Variants in USP43 observed in about 807,000 individuals in gnomAD.
The protein encoded by USP43 is ubiquitin specific peptidase 43.
In USP43, 33 loss-of-function variants were observed where a neutral mutation model predicts 90.7. The ratio of observed to expected loss-of-function variants is 0.36; its 90% confidence interval spans 0.28 to 0.49. The LOEUF (loss-of-function observed/expected upper bound fraction) is 0.49, where lower values mean the gene tolerates loss of function less well. Among genes scored for constraint, USP43 ranks in the 20% least tolerant of loss-of-function variants. The probability of loss-of-function intolerance (pLI) is 0.98; values close to 1 mark genes in which losing one functional copy is unlikely to be tolerated. For missense variants in USP43, 1,274 were observed against 1,476.4 expected (o/e 0.86, Z 2.25); for synonymous variants, 598 against 615.8 (o/e 0.97, Z 0.43).
intron 9 of USP43, 93 bp downstream of exon 9, chr17:9,693,323 G>A (rs1915071825): frequency 1.9e-6 from 2 of 1,068,006 alleles, no homozygotes; most frequent in East Asian, 5.2e-5. Flanking sequence ...ATTGCTCATA[G>A]TATTTGTTAT....
At position 9,729,656 on chromosome 17, in the gene USP43, T is replaced by A. The variant is rs1279364513; in HGVS notation, c.*666T>A. On this transcript the variant is annotated 3_prime_UTR_variant, in exon 15 of 15. Coordinates refer to ENST00000285199, the MANE Select transcript of USP43 (RefSeq NM_153210.5). ...TTTTTTAATTTAAATATGAGATCTATGTACAATTTTAATAAAATCCTGTCC... is the reference window on the plus strand; with the variant it reads ...TTTTTTAATTTAAATATGAGATCTAAGTACAATTTTAATAAAATCCTGTCC... The A allele has an allele frequency of 6.6e-6, 1 of 152,220 alleles. No individual in the cohort carries two copies. Among genetic ancestry groups the A allele is most frequent in the Non-Finnish European group, 1.5e-5 (1 of 68,050 alleles). The allele number at this position is 152,220 out of a possible 1,614,324, so 9.4% of individuals were successfully genotyped here.
At chr17:9,681,161 A>T (rs1234594099) in intron 6 of USP43, among the ~76,000 whole-genome samples, 2 of 99,706 alleles carry the variant, frequency 2.0e-5, no homozygotes, top group South Asian at 3.2e-4. Flanking sequence ...AATATATACT[A>T]TATAATATAT....
At chr17:9,715,308 C>T (rs533448208) in intron 14 of USP43, among the ~76,000 whole-genome samples, 1 of 152,178 alleles carries the variant, frequency 6.6e-6, no homozygotes, top group Non-Finnish European at 1.5e-5. Context: ...AAAAAATTAG[C>T]CAGGCATGGT....
intron 6 of USP43, among the ~76,000 whole-genome samples, chr17:9,681,014 T>G (rs945592432): frequency 1.4e-5 from 2 of 139,636 alleles, no homozygotes; most frequent in African/African-American, 5.3e-5. Flanking sequence ...ATATGTAATA[T>G]ATAAAATATA....
chr17:9,673,503 C>G (rs533831981), intron 3 of USP43, among the ~76,000 whole-genome samples: 1 of 151,840 alleles, frequency 6.6e-6, no homozygotes, highest in Admixed American at 6.6e-5. Flanking sequence ...TGCGAGACTC[C>G]GTCTCCAAAA....
rs1233746605 is a variant in USP43, at chr17:9,728,510, A to G, written c.2892A>G (p.Lys964=). 1 of 1,613,760 alleles carries G rather than the reference A, an allele frequency of 6.2e-7. No homozygotes were observed. The highest frequency in any genetic ancestry group is 1.7e-5 in the Admixed American group (1 of 59,998). Residue 964 remains lysine (K), a synonymous_variant, in exon 15 of 15, where the codon AAA becomes AAG. Transcript: ENST00000285199. This position sits in a 1 kb window ranked among gnomAD's most constrained non-coding sequence, Gnocchi z 6.2. The part of the protein sequence containing the change: ...NWKESFQMGS[K]SSPPSPYMGF... ...AGGAGAGCTTCCAGATGGGAAGCAA[A>G]AGCAGCCCACCCTCCCCCTATATGG...
intron 5 of USP43, among the ~76,000 whole-genome samples, chr17:9,679,484 C>T (rs899957362): frequency 1.4e-5 from 2 of 145,556 alleles, no homozygotes; most frequent in Admixed American, 7.2e-5. Flanking sequence ...GGATTATAGG[C>T]ATGAGCCACG....
At position 9,727,972 on chromosome 17, in the gene USP43, G is replaced by A. The variant is rs769779098; in HGVS notation, c.2354G>A (p.Arg785His). 24 of 1,604,902 alleles carry A rather than the reference G, an allele frequency of 1.5e-5. No individual in the cohort carries two copies. Among genetic ancestry groups the A allele is most frequent in the East Asian group, 1.1e-4 (5 of 44,604 alleles). Reference sequence around the variant, plus strand: ...CTTTCAGGAGGGTTGGAGCCCAGGCGTTTGGTACGGGGCGTGAAAGGCAGA... The same window carrying A: ...CTTTCAGGAGGGTTGGAGCCCAGGCATTTGGTACGGGGCGTGAAAGGCAGA... ...NQEKGGLEPR[R>H]LVRGVKGRSI... Residue 785 changes from arginine (R) to histidine (H), a missense_variant, in exon 15 of 15, where the codon CGT becomes CAT. By Grantham distance (29) the Arg-to-His change is conservative. Around this residue, in one of 6 missense-constraint regions of USP43, gnomAD observed 285 missense variants for 349.6 expected, o/e 0.82. Coordinates refer to ENST00000285199, the MANE Select transcript of USP43 (RefSeq NM_153210.5).
chr17:9,692,532 T>A (rs901227866), intron 8 of USP43, among the ~76,000 whole-genome samples: 1 of 152,226 alleles, frequency 6.6e-6, no homozygotes, highest in Non-Finnish European at 1.5e-5. Context: ...ATTTTTTAAT[T>A]GAGTTGTTCA....
Position 9,701,242 on chromosome 17 carries a change from G to T in USP43, c.1659G>T (p.Glu553Asp), listed in dbSNP as rs541908175. 6.2e-6 allele frequency: 10 copies of T among 1,606,838 alleles called. No individual in the cohort carries two copies. The African/African-American group carries it at 1.3e-4, about 21-fold the overall frequency. ...DECFQFYTKE[E>D]QLAQDDAWKC... Reference sequence around the variant, plus strand: ...GTTTTCAGTTCTACACCAAGGAGGAGCAGGTCCCGCCCTGGGGGTCCATGC... The same window carrying T: ...GTTTTCAGTTCTACACCAAGGAGGATCAGGTCCCGCCCTGGGGGTCCATGC... Residue 553 changes from glutamate to aspartate, a missense_variant, in exon 11 of 15, where the codon GAG (glutamate) becomes GAT (aspartate). By Grantham distance (45) the Glu-to-Asp change is conservative. Around this residue, in one of 6 missense-constraint regions of USP43, gnomAD observed 253 missense variants for 276.0 expected, o/e 0.92. Transcript: ENST00000285199. The surrounding 1 kb of genome is among the most constrained non-coding windows in gnomAD (Gnocchi z 7.2).
rs770988998 is a variant in USP43 at position 9,676,755 on chromosome 17, T to A, written c.843T>A (p.Ser281Arg). The A allele has an allele frequency of 6.2e-7, 1 of 1,613,532 alleles. No homozygotes were observed. The highest frequency in any genetic ancestry group is 1.1e-5 in the South Asian group (1 of 91,018). Residue 281 changes from serine to arginine, a missense_variant, in exon 5 of 15, where the codon AGT becomes AGA. Physicochemically the swap from Ser to Arg is moderately radical, Grantham distance 110. This residue lies in a region of USP43 where 259 missense variants were observed against 373.7 expected (regional missense o/e 0.69). Transcript: ENST00000285199. ...PIPLRQTRFL[S>R]VTLVFPSKSQ... ...CCTTCCTATTTTCCAGGTTCTTGAG[T>A]GTCACCTTGGTCTTCCCCTCTAAGA...
intron 7 of USP43, among the ~76,000 whole-genome samples, chr17:9,683,494 A>G (rs73975789): frequency 0.079 from 11,976 of 152,132 alleles, 1,273 homozygotes; most frequent in East Asian, 0.46. Context: ...TGGTAAAAAC[A>G]AAAAGATTAT....
chr17:9,678,963 G>T (rs1161394617), intron 5 of USP43, among the ~76,000 whole-genome samples: 1 of 151,940 alleles, frequency 6.6e-6, no homozygotes, highest in African/African-American at 2.4e-5. Context: ...TGTAACACAA[G>T]GATCTTGGTA....
At chr17:9,652,456 G>A (rs1228055629) in intron 1 of USP43, among the ~76,000 whole-genome samples, 1 of 151,836 alleles carries the variant, frequency 6.6e-6, no homozygotes, top group Non-Finnish European at 1.5e-5. Flanking sequence ...CCGCCTCCCG[G>A]GTTCAAGTGA....
intron 2 of USP43, among the ~76,000 whole-genome samples, chr17:9,662,652 G>C (rs969105482): frequency 2.0e-5 from 3 of 151,996 alleles, no homozygotes; most frequent in Admixed American, 1.3e-4. Flanking sequence ...CCAAACTTAT[G>C]CTTCTTCATC....
intron 12 of USP43, among the ~76,000 whole-genome samples, chr17:9,702,532 C>T (rs1915633630): frequency 6.6e-6 from 1 of 152,090 alleles, no homozygotes; most frequent in African/African-American, 2.4e-5. Context: ...CATGTTTATT[C>T]CTCTGGGGAA....
Position 9,697,903 on chromosome 17 carries a change from G to T in USP43, c.1458-2269G>T, listed in dbSNP as rs150086970. The stretch of plus-strand genomic sequence containing the variant: ...GGTAGTTCTATTTTTAGTTCTTTGA[G>T]AAATCATCATACTTTTTTCCATAGG... On this transcript the variant is annotated intron_variant, in intron 9 of 14. Transcript: ENST00000285199. 1.7e-3 allele frequency among the ~76,000 whole-genome samples: 253 copies of T among 152,252 alleles called. 2 individuals are homozygous for T. The highest frequency in any genetic ancestry group is 5.9e-3 in the African/African-American group (247 of 41,554).
intron 9 of USP43, among the ~76,000 whole-genome samples, chr17:9,694,059 GC>G (rs1192417153): frequency 6.6e-6 from 1 of 152,184 alleles, no homozygotes; most frequent in East Asian, 1.9e-4. Flanking sequence ...CCCTTGCAAA[GC>G]AATCCCCAGG....
rs1167496526 is a variant in USP43 at position 9,700,249 on chromosome 17, G to A, written c.1535G>A (p.Arg512His). The A allele has an allele frequency of 3.1e-6, 5 of 1,593,816 alleles. No homozygotes were observed. The highest frequency in any genetic ancestry group is 1.3e-5 in the African/African-American group (1 of 74,708). ...GAGTGGGATAGCTCTGTCAAGGAGC[G>A]GTGAGTTCAAGGGAATTTGCCACCT... ...AVEWDSSVKE[R>H]LFGSLQEERA... The change falls in exon 10 of 15, where the codon CGC becomes CAC. Residue 512 changes from arginine (R) to histidine (H), a missense_variant and splice_region_variant. This residue lies in a region of USP43 where 253 missense variants were observed against 276.0 expected (regional missense o/e 0.92). Transcript: ENST00000285199.
Sources: allele counts gnomAD v4.1 joint callset (sites outside exome capture counted in the v4.1 genomes callset), GRCh38; gene constraint gnomAD v4.1.1; regional missense constraint gnomAD v4.1.1; non-coding constraint Gnocchi (gnomAD v3.1); transcripts MANE v1.5; gene names NCBI Gene and HGNC (gene_info 2026-07-23, HGNC 2026-07-21).